MYH15: variants seen among roughly 807,000 people sequenced by gnomAD.
The protein encoded by MYH15 is myosin-15.
Under a neutral mutation model 240.5 loss-of-function variants are expected in MYH15, and 227 were observed. The ratio of observed to expected loss-of-function variants is 0.94; its 90% confidence interval spans 0.85 to 1.05. MYH15 has a LOEUF of 1.05. Among genes scored for constraint, MYH15 ranks in the 50% least tolerant of loss-of-function variants. MYH15 has a pLI of 0.00. For synonymous variants in MYH15, 785 were observed against 796.7 expected, an observed-to-expected ratio of 0.99 and a Z score of 0.25; for missense variants, 2,217 against 2,247.5, an observed-to-expected ratio of 0.99 and a Z score of 0.27.
At chr3:108,384,848 T>A in intron 38 of MYH15, 66 bp from the exon 39 acceptor site, 1 of 1,370,786 alleles carries the variant, frequency 7.3e-7, no homozygotes, top group South Asian at 1.2e-5. Context: ...TGGTGTAGTC[T>A]CATGTGGGGA....
chr3:108,436,692 T>C (rs9288873), intron 25 of MYH15, among the ~76,000 whole-genome samples: 132,786 of 152,180 alleles, frequency 0.87, 58,138 homozygotes, highest in African/African-American at 0.93. Context: ...GCACATGCCA[T>C]CACGCCCAGC....
chr3:108,531,371 T>C (rs1351249451), upstream of MYH15, among the ~76,000 whole-genome samples: 3 of 152,032 alleles, frequency 2.0e-5, no homozygotes, highest in East Asian at 5.8e-4. Context: ...CGTTGTAAAG[T>C]GTCATGGTTC....
chr3:108,438,914 C>T (rs1219743092), intron 24 of MYH15, among the ~76,000 whole-genome samples: 2 of 151,914 alleles, frequency 1.3e-5, no homozygotes, highest in African/African-American at 4.8e-5. Context: ...TATATAAGCA[C>T]ACATATAAAC....
In MYH15 at chr3:108,416,899, C is replaced by G; in HGVS notation, c.3861G>C (p.Glu1287Asp). The G allele has an allele frequency of 6.2e-7, 1 of 1,613,958 alleles. No homozygotes were observed. Among genetic ancestry groups the G allele is most frequent in the Non-Finnish European group, 8.5e-7 (1 of 1,179,918 alleles). ...GEFLRRLEEK[E>D]ALINQLSREK... is the part of the protein sequence containing the mutation. ...CCCTGGAAAGTTGGTTTATCAGAGC[C>G]TCCTTCTCTTCAAGCCTCCGTAGGA... The change falls in exon 29 of 41, where the codon GAG becomes GAC. Residue 1287 changes from glutamate (E) to aspartate (D), a missense_variant. Physicochemically the swap from Glu to Asp is conservative, Grantham distance 45. Transcript: ENST00000693548.
chr3:108,524,770 T>C (rs1469455803), intron 1 of MYH15, among the ~76,000 whole-genome samples: 1 of 152,096 alleles, frequency 6.6e-6, no homozygotes, highest in African/African-American at 2.4e-5. Context: ...ATTTCTCTCA[T>C]GAAGTCTGGA....
At chr3:108,414,910 T>TACTACTGCCC (rs1464714318) in intron 29 of MYH15, among the ~76,000 whole-genome samples, 1 of 152,226 alleles carries the variant, frequency 6.6e-6, no homozygotes, top group Non-Finnish European at 1.5e-5. Flanking sequence ...TTCAAAATAG[T>TACTACTGCCC]ACTACTGCCC....
intron 27 of MYH15, among the ~76,000 whole-genome samples, chr3:108,424,940 G>A (rs1318488011): frequency 6.6e-6 from 1 of 152,166 alleles, no homozygotes; most frequent in Non-Finnish European, 1.5e-5. Context: ...GCTCCAAGAG[G>A]TATACGTAAA....
upstream of MYH15, among the ~76,000 whole-genome samples, chr3:108,513,467 C>T (rs558796895): frequency 7.2e-5 from 11 of 152,304 alleles, no homozygotes; most frequent in Middle Eastern, 6.8e-3. Context: ...CTTCTAGGAC[C>T]TAGCTCTGCC....
intron 29 of MYH15, 70 bp from the exon 30 acceptor site, chr3:108,414,498 A>C: frequency 7.8e-7 from 1 of 1,276,620 alleles, no homozygotes; most frequent in Non-Finnish European, 1.0e-6. Flanking sequence ...AAGTAAGCTA[A>C]TTTTTTTTTT....
At chr3:108,399,345 T>C (rs2082487418) in intron 33 of MYH15, 78 bp from the exon 34 acceptor site, 1 of 1,156,052 alleles carries the variant, frequency 8.7e-7, no homozygotes, top group South Asian at 1.6e-5. Context: ...TTTAAAACAG[T>C]ACAAGAAACA....
chr3:108,381,335 GT>G lies in MYH15; in HGVS notation c.*209del. The G allele has an allele frequency of 3.3e-6, 2 of 608,068 alleles. No homozygotes were observed. Among genetic ancestry groups the G allele is most frequent in the South Asian group, 4.0e-5 (2 of 49,636 alleles). The allele number at this position is 608,068 out of a possible 1,614,324, so 37.7% of individuals were successfully genotyped here. A position where few individuals can be genotyped will look rare whatever the true frequency, so the allele number is the denominator to read the frequency against. On this transcript the variant is annotated 3_prime_UTR_variant, in exon 41 of 41. Transcript: ENST00000693548. ...CTGTCATGTGAAGCATTAGAAGGTAGTTTACTTGCATTTGAGGATCAAAAAA... is the reference window on the plus strand; with the variant it reads ...CTGTCATGTGAAGCATTAGAAGGTAGTTACTTGCATTTGAGGATCAAAAAA...
At chr3:108,538,436 T>C in the MYH15 span, among the ~76,000 whole-genome samples, 2 of 152,200 alleles carry the variant, frequency 1.3e-5, no homozygotes, top group Non-Finnish European at 2.9e-5. Context: ...TTTTAAATTC[T>C]TTCAAACTAA....
intron 25 of MYH15, among the ~76,000 whole-genome samples, chr3:108,437,213 C>CCTCGT (rs2082845987): frequency 1.4e-5 from 2 of 145,574 alleles, no homozygotes; most frequent in Admixed American, 1.4e-4. Flanking sequence ...ACATTTTATG[C>CCTCGT]CATTGGTCTC....
chr3:108,460,041 G>A (rs2083057747), intron 17 of MYH15, among the ~76,000 whole-genome samples: 1 of 152,144 alleles, frequency 6.6e-6, no homozygotes, highest in African/African-American at 2.4e-5. Context: ...TTGGCTAAGT[G>A]CAATTCTGAC....
chr3:108,414,972 T>C (rs1042704402), intron 29 of MYH15, among the ~76,000 whole-genome samples: 1 of 152,234 alleles, frequency 6.6e-6, no homozygotes, highest in African/African-American at 2.4e-5. Context: ...CTGTCCAATA[T>C]GGTAAACACC....
chr3:108,411,935 T>C (rs2082596845), intron 30 of MYH15, among the ~76,000 whole-genome samples: 1 of 152,380 alleles, frequency 6.6e-6, no homozygotes, highest in Non-Finnish European at 1.5e-5. Context: ...CCCGGCTTCC[T>C]AGCCATACTC....
In MYH15 at chr3:108,384,695, C is replaced by T. The variant is rs370570528; in HGVS notation, c.5623G>A (p.Glu1875Lys). Residue 1875 changes from glutamate to lysine, a missense_variant, in exon 39 of 41, where the codon GAG becomes AAG. Transcript: ENST00000693548. ...CTTCCCCAGGCACTCACCGCCACCT[C>T]GACTTGCTGCTTGTAATTTTGCACT... The part of the protein sequence containing the change: ...LKVQNYKQQV[E>K]VAETQANQYL... 8.1e-5 allele frequency: 131 copies of T among 1,613,300 alleles called. No individual in the cohort carries two copies. The African/African-American group carries it at 1.3e-3, about 16-fold the overall frequency.
chr3:108,428,734 C>T lies in MYH15; in HGVS notation c.3460G>A (p.Glu1154Lys). ...TTGGTTTCCTGTTTCTTAGTTATTT[C>T]CAGCTGAGCCAAACTGGATCCTCCT... ...EVGGSSLAQL[E>K]ITKKQETKFQ... is the part of the protein sequence containing the mutation. Residue 1154 changes from glutamate to lysine, a missense_variant, in exon 27 of 41, where the codon GAA becomes AAA. Coordinates refer to ENST00000693548, the MANE Select transcript of MYH15 (RefSeq NM_014981.3). 1 of 1,613,964 alleles carries T rather than the reference C, an allele frequency of 6.2e-7. No homozygotes were observed. The highest frequency in any genetic ancestry group is 8.5e-7 in the Non-Finnish European group (1 of 1,179,974).
chr3:108,429,452 C>T (rs2082757960), intron 26 of MYH15, among the ~76,000 whole-genome samples: 1 of 152,000 alleles, frequency 6.6e-6, no homozygotes, highest in Non-Finnish European at 1.5e-5. Flanking sequence ...CAAACGAGAG[C>T]TGGTGAAGGA....
Sources: gnomAD v4.1 joint callset for allele counts (sites outside exome capture counted in the v4.1 genomes callset) on GRCh38, gnomAD v4.1.1 for gene constraint, MANE v1.5 for transcripts, NCBI Gene and HGNC (gene_info 2026-07-23, HGNC 2026-07-21) for gene names.